KAT8: variants seen among roughly 807,000 people sequenced by gnomAD.
The protein encoded by KAT8 is histone acetyltransferase KAT8.
A neutral mutation model predicts 62.9 loss-of-function variants in KAT8; 40 were observed. That is an observed-to-expected ratio of 0.64 (90% CI 0.49 to 0.83). The LOEUF (loss-of-function observed/expected upper bound fraction) is 0.83. Ranked by LOEUF, KAT8 falls within the 40% of genes least tolerant of loss-of-function variation. The probability of loss-of-function intolerance (pLI) is 0.00; values close to 1 mark genes in which losing one functional copy is unlikely to be tolerated. For missense variants in KAT8, 387 were observed against 614.8 expected (o/e 0.63, Z 3.92); for synonymous variants, 278 against 254.5 (o/e 1.09, Z -0.88).
chr16:31,129,260 G>T (rs28754502), intron 6 of KAT8, among the ~76,000 whole-genome samples: 1 of 152,174 alleles, frequency 6.6e-6, no homozygotes, highest in Admixed American at 6.5e-5. Flanking sequence ...CGGAGAATAC[G>T]CAGGCTGAGC....
intron 3 of KAT8, 198 bp downstream of exon 3, chr16:31,120,712 G>A: frequency 1.9e-6 from 1 of 537,688 alleles, no homozygotes; most frequent in Non-Finnish European, 3.3e-6. Context: ...CTTCGCTGCA[G>A]TCTCACAGCA....
Position 31,127,175 on chromosome 16 carries a change from C to A in KAT8, c.517-14C>A, listed in dbSNP as rs370520399. The A allele has an allele frequency of 1.2e-6, 2 of 1,614,128 alleles. No individual in the cohort carries two copies. The highest frequency in any genetic ancestry group is 2.7e-5 in the African/African-American group (2 of 74,942). ...TGAGCCGTGCACTGTGCCTCACTCC[C>A]ACCCTGCCTGCAGATCACCAAGGTG... On this transcript the variant is annotated splice_polypyrimidine_tract_variant and intron_variant, in intron 4 of 10. Coordinates refer to ENST00000219797, the MANE Select transcript of KAT8 (RefSeq NM_032188.3).
chr16:31,117,895 GA>G lies in KAT8; in HGVS notation c.211+4del. Reference sequence around the variant, plus strand: ...CCGGCGACCGGATAGCACCTGGCGTGAGGGCGGGGCCCAGGGCTGGGGGCGG... The same window carrying G: ...CCGGCGACCGGATAGCACCTGGCGTGGGGCGGGGCCCAGGGCTGGGGGCGG... On this transcript the variant is annotated splice_donor_region_variant and intron_variant, in intron 1 of 10. Transcript: ENST00000219797. The G allele has an allele frequency of 7.4e-7, 1 of 1,353,594 alleles. No homozygotes were observed. Among genetic ancestry groups the G allele is most frequent in the South Asian group, 1.7e-5 (1 of 57,844 alleles). 83.8% of individuals were successfully genotyped at this position (1,353,594 alleles called of 1,614,324 possible).
At chr16:31,127,397 A>T in intron 5 of KAT8, 44 bp downstream of exon 5, 1 of 1,603,256 alleles carries the variant, frequency 6.2e-7, no homozygotes, top group Admixed American at 1.7e-5. Context: ...GGGCCCGGTG[A>T]GAGGCAGAGG....
Position 31,131,326 on chromosome 16 carries a change from T to C in KAT8, c.*67T>C. The stretch of plus-strand genomic sequence containing the variant: ...CAGCCTGTAAATATGTATAGACCTG[T>C]TTTGTCATTTTTTTAATAAAGTCAG... On this transcript the variant is annotated 3_prime_UTR_variant, in exon 11 of 11. Transcript: ENST00000219797. 2 of 1,566,556 alleles carry C rather than the reference T, an allele frequency of 1.3e-6. No individual in the cohort carries two copies. Among genetic ancestry groups the C allele is most frequent in the Admixed American group, 1.8e-5 (1 of 57,042 alleles).
At position 31,128,154 on chromosome 16, in the gene KAT8, A is replaced by C; in HGVS notation, c.771+15A>C. The C allele has an allele frequency of 1.2e-6, 2 of 1,606,364 alleles. No individual in the cohort carries two copies. The highest frequency in any genetic ancestry group is 1.7e-6 in the Non-Finnish European group (2 of 1,173,576). ...AAGACCATAAGGTGAGTGGGTGGCC[A>C]GGGGTTGGGAGAGGCCGGGGAGGCC... On this transcript the variant is annotated intron_variant, in intron 6 of 10. Transcript: ENST00000219797.
At chr16:31,129,975 G>T in intron 6 of KAT8, 42 bp from the exon 7 acceptor site, 1 of 1,610,680 alleles carries the variant, frequency 6.2e-7, no homozygotes, top group Non-Finnish European at 8.5e-7. Context: ...GGTGGGGCCT[G>T]TGCCTGCCCC....
intron 7 of KAT8, 26 bp from the exon 8 acceptor site, chr16:31,130,241 C>G (rs755419868): frequency 6.2e-7 from 1 of 1,612,662 alleles, no homozygotes; most frequent in Middle Eastern, 1.6e-4. Flanking sequence ...GCCTCCCCAG[C>G]GGCCCTGAGC....
In KAT8 at chr16:31,125,828, C is replaced by T. The variant is rs145958351; in HGVS notation, c.463-1207C>T. On this transcript the variant is annotated intron_variant, in intron 3 of 10. Transcript: ENST00000219797. ...TCCATTGTCAGGCTGTACTGGGTTC[C>T]TCCCACAGGGTCTGGCCTAGGAGCA... The T allele has an allele frequency of 9.5e-4, 145 of 152,300 alleles. 1 individual carries two copies. The highest frequency in any genetic ancestry group is 3.3e-3 in the Admixed American group (51 of 15,284). The allele number at this position is 152,300 out of a possible 1,614,324, so 9.4% of individuals were successfully genotyped here. A position where few individuals can be genotyped will look rare whatever the true frequency, so the allele number is the denominator to read the frequency against.
intron 3 of KAT8, chr16:31,122,193 C>T (rs927558997): frequency 6.6e-6 from 1 of 152,228 alleles, no homozygotes; most frequent in African/African-American, 2.4e-5. Context: ...GCAAGCCCAA[C>T]ATTTAAATTT....
Position 31,130,247 on chromosome 16 carries a change from T to G in KAT8, c.913-20T>G. 1 of 1,613,902 alleles carries G rather than the reference T, an allele frequency of 6.2e-7. No homozygotes were observed. On this transcript the variant is annotated intron_variant, in intron 7 of 10. Coordinates refer to ENST00000219797, the MANE Select transcript of KAT8 (RefSeq NM_032188.3). ...TGGGGCAGAGCCTCCCCAGCGGCCCTGAGCACCTGCCTCCTGCAGGAGAAG... is the reference window on the plus strand; with the variant it reads ...TGGGGCAGAGCCTCCCCAGCGGCCCGGAGCACCTGCCTCCTGCAGGAGAAG...
intron 1 of KAT8, among the ~76,000 whole-genome samples, chr16:31,119,544 T>C (rs2057477516): frequency 6.6e-6 from 1 of 152,238 alleles, no homozygotes; most frequent in South Asian, 2.1e-4. Flanking sequence ...AAAATGAGCA[T>C]TGAATTTAGA....
In KAT8 at chr16:31,131,349, C is replaced by T. The variant is rs1478193091; in HGVS notation, c.*90C>T. On this transcript the variant is annotated 3_prime_UTR_variant, in exon 11 of 11. Coordinates refer to ENST00000219797, the MANE Select transcript of KAT8 (RefSeq NM_032188.3). ...TGTTTTGTCATTTTTTTAATAAAGTCAGTTCTGGTGGCCCTGGACTTTGGA... is the reference window on the plus strand; with the variant it reads ...TGTTTTGTCATTTTTTTAATAAAGTTAGTTCTGGTGGCCCTGGACTTTGGA... 6.8e-7 allele frequency: 1 copy of T among 1,477,104 alleles called. No homozygotes were observed. The highest frequency in any genetic ancestry group is 9.3e-7 in the Non-Finnish European group (1 of 1,074,972). The allele number at this position is 1,477,104 out of a possible 1,614,324, so 91.5% of individuals were successfully genotyped here.
chr16:31,120,784 C>T (rs1384626020), intron 3 of KAT8: 16 of 403,946 alleles, frequency 4.0e-5, no homozygotes, highest in Non-Finnish European at 4.5e-6. Flanking sequence ...CTTTTGTCTC[C>T]TAGTAGCTGT....
At chr16:31,122,905 G>C (rs1168796334) in intron 3 of KAT8, among the ~76,000 whole-genome samples, 2 of 151,860 alleles carry the variant, frequency 1.3e-5, no homozygotes, top group East Asian at 3.9e-4. Flanking sequence ...TTAAATTATG[G>C]GTGCAGTGGC....
chr16:31,119,766 C>G lies in KAT8; in HGVS notation c.212-420C>G, dbSNP rs1162136723. Among the ~76,000 whole-genome samples the G allele has an allele frequency of 2.0e-5, 3 of 151,958 alleles. No individual in the cohort carries two copies. The East Asian group carries it at 5.8e-4, about 29-fold the overall frequency. On this transcript the variant is annotated intron_variant, in intron 1 of 10. Transcript: ENST00000219797. Reference sequence around the variant, plus strand: ...CAATTCTCCTGCCTCAGCCTTGCCTCCCAGGTTCAAGCAATTTTCCTGCCT... The same window carrying G: ...CAATTCTCCTGCCTCAGCCTTGCCTGCCAGGTTCAAGCAATTTTCCTGCCT...
At position 31,120,445 on chromosome 16, in the gene KAT8, A is replaced by G. The variant is rs113643463; in HGVS notation, c.393A>G (p.Ala131=). ...KNSEKYLSEL[A]EQPERKITRN... ...CAGAGAAGTACCTGAGCGAGCTCGC[A>G]GAGCAGCCTGAGCGCAAGATCACTC... The change falls in exon 3 of 11, where the codon GCA becomes GCG. Residue 131 remains alanine, a synonymous_variant. Transcript: ENST00000219797. 1 of 1,613,932 alleles carries G rather than the reference A, an allele frequency of 6.2e-7. No homozygotes were observed.
intron 3 of KAT8, among the ~76,000 whole-genome samples, chr16:31,124,913 C>T (rs916856863): frequency 1.3e-5 from 2 of 151,864 alleles, no homozygotes; most frequent in African/African-American, 4.8e-5. Flanking sequence ...CCTGTAATCC[C>T]AGCTGCTTGG....
At chr16:31,118,263 GAGA>G in intron 1 of KAT8, 1 of 192,822 alleles carries the variant, frequency 5.2e-6, no homozygotes, top group Non-Finnish European at 1.1e-5. Context: ...CATCCGCAGA[GAGA>G]AGACCTTCCA....
Sources: gnomAD v4.1 joint callset for allele counts (sites outside exome capture counted in the v4.1 genomes callset) on GRCh38, gnomAD v4.1.1 for gene constraint, MANE v1.5 for transcripts, NCBI Gene and HGNC (gene_info 2026-07-23, HGNC 2026-07-21) for gene names.